The following CMIP variants were observed in gnomAD, a reference collection of about 807,000 sequenced individuals.
CMIP encodes the protein C-Maf-inducing protein.
A neutral mutation model predicts 97.3 loss-of-function variants in CMIP; 13 were observed. The observed-to-expected ratio is 0.13, with a 90% CI of 0.09 to 0.21. CMIP has a LOEUF of 0.21. Ranked by LOEUF, CMIP falls within the 10% of genes least tolerant of loss-of-function variation. The probability of loss-of-function intolerance (pLI) is 1.00; values close to 1 mark genes in which losing one functional copy is unlikely to be tolerated. For missense variants in CMIP, 847 were observed against 1,024.9 expected (o/e 0.83, Z 2.37); for synonymous variants, 538 against 436.3 (o/e 1.23, Z -2.91).
intron 1 of CMIP, among the ~76,000 whole-genome samples, chr16:81,473,809 T>TG (rs1168872534): frequency 7.8e-6 from 1 of 127,894 alleles, no homozygotes; most frequent in Non-Finnish European, 1.6e-5. Flanking sequence ...GCCCACACAG[T>TG]GGTTTTTTTT....
rs1907533214 is a variant in CMIP at position 81,702,511 on chromosome 16, G to C, written c.1897-111G>C. 7 of 1,141,078 alleles carry C rather than the reference G, an allele frequency of 6.1e-6. No individual in the cohort carries two copies. The Admixed American group carries it at 1.4e-4, about 23-fold the overall frequency. The allele number at this position is 1,141,078 out of a possible 1,614,324, so 70.7% of individuals were successfully genotyped here. On this transcript the variant is annotated intron_variant, in intron 16 of 20. Coordinates refer to ENST00000537098, the MANE Select transcript of CMIP (RefSeq NM_198390.3). Reference sequence around the variant, plus strand: ...GAGACCAAGACCACCGTGTTGCCTTGTACCACCAAGAAAATAACGATGGCT... The same window carrying C: ...GAGACCAAGACCACCGTGTTGCCTTCTACCACCAAGAAAATAACGATGGCT...
intron 1 of CMIP, among the ~76,000 whole-genome samples, chr16:81,492,946 C>G (rs898749348): frequency 1.3e-5 from 2 of 152,008 alleles, no homozygotes; most frequent in Non-Finnish European, 2.9e-5. Context: ...GAGGAGGGCC[C>G]GTGAGCGAGA....
intron 7 of CMIP, chr16:81,664,775 A>G: frequency 2.9e-6 from 1 of 348,194 alleles, no homozygotes; most frequent in Non-Finnish European, 5.1e-6. Context: ...AGACACACTC[A>G]GCCTCAGCCA....
intron 1 of CMIP, among the ~76,000 whole-genome samples, chr16:81,487,747 A>G (rs1043616866): frequency 1.3e-5 from 2 of 152,238 alleles, no homozygotes; most frequent in East Asian, 1.9e-4. Context: ...ATTAAAGGAA[A>G]AAACCCATGC....
chr16:81,580,120 A>G (rs1400790841), intron 1 of CMIP, among the ~76,000 whole-genome samples: 1 of 152,220 alleles, frequency 6.6e-6, no homozygotes, highest in African/African-American at 2.4e-5. Flanking sequence ...AGATGGAGGC[A>G]GGGGTTTCCT....
In CMIP at chr16:81,616,678, C is replaced by T. The variant is rs1192202887; in HGVS notation, c.427-4198C>T. Reference sequence around the variant, plus strand: ...GGATCCCAGAGTGGAACAGAAGTGGCCAGAAAGCCAAGTGTGGCTGGGGAA... The same window carrying T: ...GGATCCCAGAGTGGAACAGAAGTGGTCAGAAAGCCAAGTGTGGCTGGGGAA... On this transcript the variant is annotated intron_variant, in intron 2 of 20. Transcript: ENST00000537098. This position sits in a 1 kb window ranked among gnomAD's most constrained non-coding sequence, Gnocchi z 4.7. Among the ~76,000 whole-genome samples the T allele has an allele frequency of 6.6e-6, 1 of 152,108 alleles. No homozygotes were observed. Among genetic ancestry groups the T allele is most frequent in the Non-Finnish European group, 1.5e-5 (1 of 68,018 alleles).
intron 5 of CMIP, 95 bp from the exon 6 acceptor site, chr16:81,660,789 A>AT: frequency 7.4e-7 from 1 of 1,356,624 alleles, no homozygotes; most frequent in Non-Finnish European, 1.1e-6. Flanking sequence ...CTCTGCATTT[A>AT]TTTTTTTCAC....
intron 3 of CMIP, among the ~76,000 whole-genome samples, chr16:81,633,114 C>G (rs1441631746): frequency 1.3e-5 from 2 of 152,180 alleles, no homozygotes; most frequent in Non-Finnish European, 2.9e-5. Context: ...TGTTTTTTGC[C>G]CTTTAAGGCA....
intron 1 of CMIP, among the ~76,000 whole-genome samples, chr16:81,488,410 A>T (rs1032784902): frequency 1.3e-5 from 2 of 152,126 alleles, no homozygotes; most frequent in African/African-American, 4.8e-5. Flanking sequence ...GGGAGGATTA[A>T]ATGAGTAATA....
rs35366336 is a variant in CMIP, at chr16:81,597,593, CGG to C, written c.301-9964_301-9963del. ...AGATGTGGGAGGTGAGCGAGGGGAG[CGG>C]GGGGGGGGGAGTCTCCCAGCCTGGA... is the stretch of plus-strand genomic sequence containing the variant. On this transcript the variant is annotated intron_variant, in intron 1 of 20. Transcript: ENST00000537098. Among the ~76,000 whole-genome samples, 490 of 54,200 alleles carry C rather than the reference CGG, an allele frequency of 9.0e-3. 11 individuals carry two copies. Among genetic ancestry groups the C allele is most frequent in the African/African-American group, 0.025 (462 of 18,546 alleles). The allele number at this position is 54,200 out of a possible 152,430, so 35.6% of individuals were successfully genotyped here.
chr16:81,538,844 G>A (rs575662957), intron 1 of CMIP, among the ~76,000 whole-genome samples: 1 of 152,048 alleles, frequency 6.6e-6, no homozygotes, highest in Admixed American at 6.5e-5. Flanking sequence ...CAGGCAAGTT[G>A]ATTCTAAGGT....
intron 1 of CMIP, among the ~76,000 whole-genome samples, chr16:81,544,717 G>T (rs190312436): frequency 1.3e-5 from 2 of 151,798 alleles, no homozygotes; most frequent in African/African-American, 4.8e-5. Context: ...GTGGAATGTT[G>T]TGTGTATATG....
At chr16:81,661,151 C>G (rs1358558420) in intron 6 of CMIP, among the ~76,000 whole-genome samples, 1 of 152,238 alleles carries the variant, frequency 6.6e-6, no homozygotes, top group African/African-American at 2.4e-5. Flanking sequence ...CAAAGAGTCA[C>G]AAGGGGAACA....
intron 1 of CMIP, among the ~76,000 whole-genome samples, chr16:81,460,058 A>G (rs939222713): frequency 8.5e-5 from 13 of 152,256 alleles, no homozygotes; most frequent in Admixed American, 7.2e-4. Flanking sequence ...AGTCCCCACA[A>G]GGCCTCACCA....
At chr16:81,683,003 T>G (rs1005437998) in intron 10 of CMIP, among the ~76,000 whole-genome samples, 8 of 152,236 alleles carry the variant, frequency 5.3e-5, no homozygotes, top group Non-Finnish European at 1.0e-4. Context: ...AGTCCAGCTC[T>G]TTTCCTGCTG....
chr16:81,457,440 G>C (rs1468227804), intron 1 of CMIP, among the ~76,000 whole-genome samples: 5 of 152,132 alleles, frequency 3.3e-5, no homozygotes, highest in Non-Finnish European at 7.4e-5. Context: ...ATGTGGGGTG[G>C]AGCCATCTAC....
intron 1 of CMIP, among the ~76,000 whole-genome samples, chr16:81,566,730 G>A (rs545223985): frequency 6.6e-6 from 1 of 152,270 alleles, no homozygotes; most frequent in South Asian, 2.1e-4. Flanking sequence ...AGTCATAGTA[G>A]CCTCCAACTA....
chr16:81,492,564 T>TGGGCCTTGCTAGCAGGGCC (rs56682366), intron 1 of CMIP, among the ~76,000 whole-genome samples: 1 of 151,932 alleles, frequency 6.6e-6, no homozygotes, highest in Non-Finnish European at 1.5e-5. Context: ...GCTGGCCGGC[T>TGGGCCTTGCTAGCAGGGCC]GGGCCTTGCT....
At chr16:81,643,957 C>G (rs2092334878) in intron 3 of CMIP, among the ~76,000 whole-genome samples, 1 of 152,104 alleles carries the variant, frequency 6.6e-6, no homozygotes, top group Non-Finnish European at 1.5e-5. Flanking sequence ...GGTAAAGCCC[C>G]TGTGTGATTC....
Sources: gnomAD v4.1 joint callset for allele counts (sites outside exome capture counted in the v4.1 genomes callset) on GRCh38, gnomAD v4.1.1 for gene constraint, Gnocchi (gnomAD v3.1) non-coding constraint, MANE v1.5 for transcripts, NCBI Gene and HGNC (gene_info 2026-07-23, HGNC 2026-07-21) for gene names.